Variants in SYT16 observed in about 807,000 individuals in gnomAD.
The protein encoded by SYT16 is synaptotagmin 16.
A neutral mutation model predicts 61.4 loss-of-function variants in SYT16; 42 were observed. The observed-to-expected ratio is 0.68, with a 90% CI of 0.53 to 0.89. The LOEUF (loss-of-function observed/expected upper bound fraction) is 0.89, where lower values mean the gene tolerates loss of function less well. Ranked by LOEUF, SYT16 falls within the 40% of genes least tolerant of loss-of-function variation. SYT16 has a pLI of 0.00. For synonymous variants in SYT16, 314 were observed against 302.3 expected (o/e 1.04, Z -0.40); for missense variants, 804 against 807.3 (o/e 1.00, Z 0.05).
chr14:61,863,400 C>G (rs1157617381), intron 1 of SYT16, among the ~76,000 whole-genome samples: 3 of 152,180 alleles, frequency 2.0e-5, no homozygotes, highest in Non-Finnish European at 4.4e-5. Context: ...TATTTGCCAT[C>G]TGCGCATCTT....
At chr14:62,079,739 G>A (rs921472853) in intron 5 of SYT16, among the ~76,000 whole-genome samples, 5 of 152,232 alleles carry the variant, frequency 3.3e-5, no homozygotes, top group South Asian at 2.1e-4. Flanking sequence ...GCCTTCAGAG[G>A]AAAATAGAAT....
At chr14:61,878,519 T>C (rs1437226358) in intron 1 of SYT16, among the ~76,000 whole-genome samples, 6 of 152,280 alleles carry the variant, frequency 3.9e-5, no homozygotes, top group African/African-American at 1.4e-4. Flanking sequence ...GAAATCAATC[T>C]CTGGGTCTAC....
At chr14:62,099,210 G>C (rs900281813) in intron 7 of SYT16, among the ~76,000 whole-genome samples, 1 of 152,192 alleles carries the variant, frequency 6.6e-6, no homozygotes, top group Non-Finnish European at 1.5e-5. Context: ...GTATTTCACA[G>C]AGATTGCTCT....
chr14:61,916,007 T>C (rs1000767792), intron 1 of SYT16, among the ~76,000 whole-genome samples: 9 of 152,226 alleles, frequency 5.9e-5, no homozygotes, highest in Non-Finnish European at 1.3e-4. Flanking sequence ...GTGTTTTCTG[T>C]CTGTCAAGGT....
intron 1 of SYT16, among the ~76,000 whole-genome samples, chr14:61,830,903 A>G (rs971357987): frequency 2.6e-5 from 4 of 152,214 alleles, no homozygotes; most frequent in Admixed American, 2.0e-4. Flanking sequence ...AGGATGGTCA[A>G]CAGGGCTCTT....
At chr14:62,014,154 A>C (rs934520460) in intron 3 of SYT16, among the ~76,000 whole-genome samples, 6 of 151,946 alleles carry the variant, frequency 3.9e-5, no homozygotes, top group African/African-American at 1.5e-4. Flanking sequence ...ACAAATCTTC[A>C]TCTCTAGTCT....
chr14:61,941,396 C>G (rs185056592), intron 1 of SYT16, among the ~76,000 whole-genome samples: 46 of 152,312 alleles, frequency 3.0e-4, no homozygotes, highest in South Asian at 2.1e-4. Context: ...TTGGGCTATT[C>G]TTTGCCTTGG....
intron 1 of SYT16, among the ~76,000 whole-genome samples, chr14:61,931,360 T>C (rs1214893491): frequency 6.6e-6 from 1 of 152,222 alleles, no homozygotes; most frequent in South Asian, 2.1e-4. Context: ...CTTTCTCTTA[T>C]TTTCTTTTTT....
intron 5 of SYT16, chr14:62,079,387 T>C: frequency 8.2e-7 from 1 of 1,225,164 alleles, no homozygotes; most frequent in Non-Finnish European, 1.1e-6. Flanking sequence ...ATGTCTACTG[T>C]CTGTCAAGTC....
intron 3 of SYT16, among the ~76,000 whole-genome samples, chr14:62,034,480 A>C (rs116243388): frequency 0.026 from 3,918 of 152,328 alleles, 55 homozygotes; most frequent in Middle Eastern, 0.051. Flanking sequence ...GAATGCATCA[A>C]CAAAATGTAG....
chr14:62,033,327 T>C (rs1316775297), intron 3 of SYT16, among the ~76,000 whole-genome samples: 1 of 152,038 alleles, frequency 6.6e-6, no homozygotes, highest in Non-Finnish European at 1.5e-5. Flanking sequence ...GACTGATAAG[T>C]GTATAAATCT....
intron 1 of SYT16, among the ~76,000 whole-genome samples, chr14:61,814,693 C>T (rs1364628471): frequency 6.6e-6 from 1 of 152,156 alleles, no homozygotes; most frequent in Non-Finnish European, 1.5e-5. Context: ...TATGTTCTTT[C>T]TTAGCTGAGA....
intron 1 of SYT16, among the ~76,000 whole-genome samples, chr14:61,858,859 CTTT>C (rs541030567): frequency 2.2e-5 from 3 of 138,900 alleles, no homozygotes. Context: ...CTTTTCTTTT[CTTT>C]TTTTTTTTTT....
At chr14:62,051,749 C>A (rs1482365751) in intron 3 of SYT16, among the ~76,000 whole-genome samples, 1 of 152,142 alleles carries the variant, frequency 6.6e-6, no homozygotes, top group African/African-American at 2.4e-5. Context: ...TTAAAACATG[C>A]AGTTTTTGGC....
intron 2 of SYT16, among the ~76,000 whole-genome samples, chr14:61,981,034 G>A (rs1236378252): frequency 2.6e-5 from 4 of 152,120 alleles, no homozygotes; most frequent in Non-Finnish European, 5.9e-5. Context: ...GCTGGCAAGT[G>A]TTAAATCTGC....
intron 1 of SYT16, among the ~76,000 whole-genome samples, chr14:61,859,035 A>ATT (rs2046877029): frequency 6.7e-6 from 1 of 148,174 alleles, no homozygotes; most frequent in East Asian, 2.0e-4. Flanking sequence ...TTTTTTTTGT[A>ATT]TTTTTAGTAG....
intron 5 of SYT16, among the ~76,000 whole-genome samples, chr14:62,076,024 T>C (rs749326012): frequency 2.0e-5 from 3 of 152,210 alleles, no homozygotes; most frequent in Non-Finnish European, 4.4e-5. Flanking sequence ...TCTTCCAAAG[T>C]TCTTTTTCAA....
At chr14:61,841,234 G>C (rs554962936) in intron 1 of SYT16, among the ~76,000 whole-genome samples, 16 of 152,120 alleles carry the variant, frequency 1.1e-4, no homozygotes, top group Non-Finnish European at 1.9e-4. Flanking sequence ...TATTATTCAA[G>C]TTCAAAAAAG....
At chr14:62,021,625 T>G (rs974124533) in intron 3 of SYT16, among the ~76,000 whole-genome samples, 10 of 149,588 alleles carry the variant, frequency 6.7e-5, no homozygotes, top group Admixed American at 1.3e-4. Context: ...CTGTGTAGAT[T>G]TAGTGCTGTT....
Sources: gnomAD v4.1 joint callset for allele counts (sites outside exome capture counted in the v4.1 genomes callset) on GRCh38, gnomAD v4.1.1 for gene constraint, MANE v1.5 for transcripts, NCBI Gene and HGNC (gene_info 2026-07-23, HGNC 2026-07-21) for gene names.